BAG1: variants seen among roughly 807,000 people sequenced by gnomAD.
The protein encoded by BAG1 is BAG cochaperone 1.
Under a neutral mutation model 35.5 loss-of-function variants are expected in BAG1, and 35 were observed. That is an observed-to-expected ratio of 0.99 (90% CI 0.75 to 1.31). The LOEUF is 1.31. BAG1 is among the 50% of genes most tolerant of loss of function. The probability of loss-of-function intolerance (pLI) is 0.00; values close to 1 mark genes in which losing one functional copy is unlikely to be tolerated. For missense variants in BAG1, 464 were observed against 453.6 expected (o/e 1.02, Z -0.21); for synonymous variants, 191 against 178.9 (o/e 1.07, Z -0.54).
chr9:33,256,716 A>T (rs956075193), intron 5 of BAG1, 85 bp downstream of exon 5: 1 of 1,139,722 alleles, frequency 8.8e-7, no homozygotes, highest in Non-Finnish European at 1.3e-6. Flanking sequence ...TGCTCAGGCA[A>T]TAGGAGAGTA....
Position 33,261,178 on chromosome 9 carries a change from A to C in BAG1, c.581-9T>G. On this transcript the variant is annotated splice_polypyrimidine_tract_variant and intron_variant, in intron 2 of 6. Coordinates refer to ENST00000634734, the MANE Select transcript of BAG1 (RefSeq NM_004323.6). Reference sequence around the variant, plus strand: ...TTCCTTCAGAGATTTTCCTAAAAAGAGGAGAAAGGTAGGCCAAGTTGTAAT... The same window carrying C: ...TTCCTTCAGAGATTTTCCTAAAAAGCGGAGAAAGGTAGGCCAAGTTGTAAT... 2 of 1,598,450 alleles carry C rather than the reference A, an allele frequency of 1.3e-6. No individual in the cohort carries two copies. Among genetic ancestry groups the C allele is most frequent in the Admixed American group, 3.4e-5 (2 of 58,118 alleles).
chr9:33,264,628 C>T lies in BAG1; in HGVS notation c.47G>A (p.Arg16Gln), dbSNP rs891323642. The change falls in exon 1 of 7, where the codon CGG becomes CAG. Residue 16 changes from arginine to glutamine, a missense_variant. By Grantham distance (43) the Arg-to-Gln change is conservative. Transcript: ENST00000634734. ...AAGGGCGCGCAGCCGGGAACCCAGC[C>T]GCTCCCGGTCGCCTCGCGGTCTCCG... 9.6e-6 allele frequency: 13 copies of T among 1,349,706 alleles called. No homozygotes were observed. The South Asian group carries it at 1.9e-4, about 20-fold the overall frequency. 83.6% of individuals were successfully genotyped at this position (1,349,706 alleles called of 1,614,324 possible). A position where few individuals can be genotyped will look rare whatever the true frequency, so the allele number is the denominator to read the frequency against.
rs1462799013 is a variant in BAG1 at position 33,252,577 on chromosome 9, T to C, written c.*2642A>G. On this transcript the variant is annotated 3_prime_UTR_variant, in exon 7 of 7. Coordinates refer to ENST00000634734, the MANE Select transcript of BAG1 (RefSeq NM_004323.6). ...TTATGTTATATATATATATGTTATA[T>C]ATGTAATATAACTATATTACAAGTT... The C allele has an allele frequency of 6.7e-6, 1 of 150,336 alleles. No homozygotes were observed. The highest frequency in any genetic ancestry group is 1.5e-5 in the Non-Finnish European group (1 of 67,714). The allele number at this position is 150,336 out of a possible 1,614,324, so 9.3% of individuals were successfully genotyped here.
chr9:33,259,523 A>AGACTAGATG (rs1339747464), intron 3 of BAG1: 24 of 154,716 alleles, frequency 1.6e-4, no homozygotes, highest in African/African-American at 5.3e-4. Context: ...CAAGTTTTCC[A>AGACTAGATG]TCTACAAAGA....
chr9:33,264,656 C>G lies in BAG1; in HGVS notation c.19G>C (p.Ala7Pro), dbSNP rs987054592. ...TCCCGGTCGCCTCGCGGTCTCCGCG[C>G]CCCCCCGCGCTGAGCCAGGCCCGCA... The change falls in exon 1 of 7, where the codon GCG becomes CCG. Residue 7 changes from alanine (A) to proline (P), a missense_variant. Coordinates refer to ENST00000634734, the MANE Select transcript of BAG1 (RefSeq NM_004323.6). 1.2e-5 allele frequency: 16 copies of G among 1,342,102 alleles called. No homozygotes were observed. In the Admixed American group the frequency reaches 6.4e-4, roughly 54 times the overall value. The allele number at this position is 1,342,102 out of a possible 1,614,324, so 83.1% of individuals were successfully genotyped here. A position where few individuals can be genotyped will look rare whatever the true frequency, so the allele number is the denominator to read the frequency against.
chr9:33,261,959 T>C (rs1328162789), intron 2 of BAG1: 2 of 1,184,574 alleles, frequency 1.7e-6, no homozygotes, highest in South Asian at 1.6e-5. Context: ...CACAGCAGTA[T>C]CTCCACCCTC....
chr9:33,262,189 C>A (rs1564081348), intron 2 of BAG1: 1 of 1,289,668 alleles, frequency 7.8e-7, no homozygotes, highest in Non-Finnish European at 1.0e-6. Flanking sequence ...TGACACCTGT[C>A]CAGGTGTTTG....
At chr9:33,255,728 G>T in intron 6 of BAG1, 137 bp downstream of exon 6, 1 of 888,592 alleles carries the variant, frequency 1.1e-6, no homozygotes, top group Non-Finnish European at 1.8e-6. Context: ...TGACGTTTGG[G>T]GTTCCTGCTG....
chr9:33,261,985 T>C (rs976294481), intron 2 of BAG1: 4 of 1,183,978 alleles, frequency 3.4e-6, no homozygotes, highest in East Asian at 5.9e-5. Flanking sequence ...GGCTGTTATT[T>C]TAACAGAGAA....
chr9:33,261,308 T>C, intron 2 of BAG1, 139 bp from the exon 3 acceptor site: 1 of 541,060 alleles, frequency 1.8e-6, no homozygotes, highest in Non-Finnish European at 3.2e-6. Context: ...GACCCAGTAA[T>C]TTCATTTCCA....
intron 5 of BAG1, 47 bp from the exon 6 acceptor site, chr9:33,255,974 G>GT (rs1820445104): frequency 1.3e-6 from 2 of 1,521,000 alleles, no homozygotes; most frequent in East Asian, 4.5e-5. Flanking sequence ...TAGTAAACAT[G>GT]TAACAAATAA....
chr9:33,254,860 G>T lies in BAG1; in HGVS notation c.*359C>A, dbSNP rs1820417708. 1 of 446,134 alleles carries T rather than the reference G, an allele frequency of 2.2e-6. No homozygotes were observed. The highest frequency in any genetic ancestry group is 3.9e-6 in the Non-Finnish European group (1 of 254,196). 27.6% of individuals were successfully genotyped at this position (446,134 alleles called of 1,614,324 possible). ...AGAGCAAAGAAGCCCTCATGTATCT[G>T]AAGACTGAGGGGGCCTATAAACCTG... On this transcript the variant is annotated 3_prime_UTR_variant, in exon 7 of 7. Transcript: ENST00000634734.
Position 33,254,301 on chromosome 9 carries a change from CAAT to C in BAG1, c.*915_*917del, listed in dbSNP as rs1015461398. 1.3e-5 allele frequency: 1 copy of C among 74,270 alleles called. No homozygotes were observed. The highest frequency in any genetic ancestry group is 4.5e-4 in the South Asian group (1 of 2,206). The allele number at this position is 74,270 out of a possible 1,614,324, so 4.6% of individuals were successfully genotyped here. ...GCGCCAGGCCTTAATTTTTTAAAAA[CAAT>C]GATGGGGTGGGGGTGGGGGACAGTC... is the stretch of plus-strand genomic sequence containing the variant. On this transcript the variant is annotated 3_prime_UTR_variant, in exon 7 of 7. Coordinates refer to ENST00000634734, the MANE Select transcript of BAG1 (RefSeq NM_004323.6).
chr9:33,259,276 T>C (rs935671895), intron 3 of BAG1: 7 of 306,992 alleles, frequency 2.3e-5, no homozygotes, highest in African/African-American at 8.7e-5. Context: ...GGCAGGAGTA[T>C]AGCTTGAACC....
At chr9:33,262,207 C>A (rs1217406973) in intron 2 of BAG1, 1 of 1,288,882 alleles carries the variant, frequency 7.8e-7, no homozygotes. Context: ...TTGAGAGTGT[C>A]CAATACCTAG....
chr9:33,264,086 G>A, intron 1 of BAG1, 138 bp downstream of exon 1: 4 of 1,029,062 alleles, frequency 3.9e-6, no homozygotes, highest in Admixed American at 2.7e-5. Context: ...CAGTTCCACG[G>A]ACACAACCAA....
intron 5 of BAG1, 67 bp downstream of exon 5, chr9:33,256,734 G>T: frequency 7.5e-7 from 1 of 1,328,230 alleles, no homozygotes; most frequent in Non-Finnish European, 1.1e-6. Context: ...GTAAATTACT[G>T]AAAGAGTGAA....
intron 5 of BAG1, 54 bp from the exon 6 acceptor site, chr9:33,255,981 A>G: frequency 2.0e-6 from 3 of 1,501,626 alleles, no homozygotes; most frequent in South Asian, 2.3e-5. Flanking sequence ...CATGTAACAA[A>G]TAATCCTCAG....
chr9:33,262,601 G>A (rs1820596321), intron 2 of BAG1, 101 bp downstream of exon 2: 1 of 1,239,390 alleles, frequency 8.1e-7, no homozygotes, highest in African/African-American at 1.5e-5. Context: ...AGGTTGCAGT[G>A]AGCCTAGATC....
Sources: allele counts gnomAD v4.1 joint callset, GRCh38; gene constraint gnomAD v4.1.1; transcripts MANE v1.5; gene names NCBI Gene and HGNC (gene_info 2026-07-23, HGNC 2026-07-21).